The following MARCHF1 variants were observed in gnomAD, a reference collection of about 807,000 sequenced individuals.
MARCHF1 encodes membrane associated ring-CH-type finger 1.
Under a neutral mutation model 54.2 loss-of-function variants are expected in MARCHF1, and 40 were observed. That is an observed-to-expected ratio of 0.74 (90% CI 0.57 to 0.96). The LOEUF is 0.96. Among genes scored for constraint, MARCHF1 ranks in the 40% least tolerant of loss-of-function variants. The probability of loss-of-function intolerance (pLI) is 0.00; values close to 1 mark genes in which losing one functional copy is unlikely to be tolerated. For missense variants in MARCHF1, 586 were observed against 656.5 expected (o/e 0.89, Z 1.17); for synonymous variants, 236 against 236.3 (o/e 1.00, Z 0.01).
chr4:163,839,109 C>T (rs1266538063), intron 4 of MARCHF1, among the ~76,000 whole-genome samples: 1 of 151,870 alleles, frequency 6.6e-6, no homozygotes, highest in Non-Finnish European at 1.5e-5. Flanking sequence ...AGCTAATAAA[C>T]ACAGGAAAAG....
intron 1 of MARCHF1, among the ~76,000 whole-genome samples, chr4:164,301,863 A>G (rs1050959843): frequency 6.6e-6 from 1 of 152,196 alleles, no homozygotes; most frequent in Non-Finnish European, 1.5e-5. Context: ...AAAGCAAAGT[A>G]TGGAAGAGAA....
chr4:163,767,558 T>G (rs1747022012), intron 4 of MARCHF1, among the ~76,000 whole-genome samples: 1 of 151,988 alleles, frequency 6.6e-6, no homozygotes, highest in Non-Finnish European at 1.5e-5. Flanking sequence ...ATGGTCTCGA[T>G]CTCCTGACCT....
At chr4:164,191,087 T>A (rs560840001) in intron 1 of MARCHF1, among the ~76,000 whole-genome samples, 25 of 152,346 alleles carry the variant, frequency 1.6e-4, no homozygotes, top group South Asian at 8.3e-4. Flanking sequence ...AATGTCATTG[T>A]CTGACAGTGA....
chr4:163,665,726 C>T (rs1260509276), intron 5 of MARCHF1, among the ~76,000 whole-genome samples: 1 of 152,140 alleles, frequency 6.6e-6, no homozygotes, highest in African/African-American at 2.4e-5. Context: ...AATCTGACCA[C>T]TGCCATCTAC....
At chr4:163,599,153 G>T (rs1330177758) in intron 7 of MARCHF1, among the ~76,000 whole-genome samples, 4 of 152,062 alleles carry the variant, frequency 2.6e-5, no homozygotes, top group Non-Finnish European at 4.4e-5. Flanking sequence ...GCTGGGCGTG[G>T]TGGCGGGCGC....
chr4:163,694,452 T>C (rs1744556899), intron 5 of MARCHF1, among the ~76,000 whole-genome samples: 2 of 152,176 alleles, frequency 1.3e-5, no homozygotes, highest in South Asian at 4.1e-4. Flanking sequence ...TACTGGAGGA[T>C]GAAAGCCTTG....
intron 4 of MARCHF1, among the ~76,000 whole-genome samples, chr4:163,730,178 C>T (rs1310880888): frequency 1.3e-5 from 2 of 152,094 alleles, no homozygotes. Flanking sequence ...GCCTTTGAAT[C>T]TCTCTAGTAA....
rs1161933438 is a variant in MARCHF1, at chr4:164,244,362, G to A, written c.-322-132700C>T. Among the ~76,000 whole-genome samples the A allele has an allele frequency of 2.6e-5, 4 of 152,052 alleles. No individual in the cohort carries two copies. The East Asian group carries it at 5.8e-4, about 22-fold the overall frequency. ...CAACCTGCTCCTGAATGACTACTGG[G>A]TACATAACGAAATGAAGGCAGAAAT... On this transcript the variant is annotated intron_variant, in intron 1 of 9. Transcript: ENST00000514618.
intron 3 of MARCHF1, among the ~76,000 whole-genome samples, chr4:163,885,587 T>G (rs765315709): frequency 9.2e-5 from 14 of 152,116 alleles, no homozygotes; most frequent in Non-Finnish European, 1.9e-4. Context: ...CAGTGGGCCT[T>G]GACATCTAGG....
At chr4:163,913,951 G>A (rs2111342981) in intron 3 of MARCHF1, among the ~76,000 whole-genome samples, 2 of 152,036 alleles carry the variant, frequency 1.3e-5, no homozygotes, top group East Asian at 3.9e-4. Flanking sequence ...ACAGGCGTGA[G>A]TCTGACTTAC....
At chr4:163,924,505 G>A (rs1167303302) in intron 3 of MARCHF1, among the ~76,000 whole-genome samples, 1 of 152,042 alleles carries the variant, frequency 6.6e-6, no homozygotes, top group East Asian at 1.9e-4. Context: ...TAAAGGCTAT[G>A]TCAGTGGTTG....
At chr4:163,604,209 C>T (rs1741070194) in intron 7 of MARCHF1, among the ~76,000 whole-genome samples, 1 of 152,090 alleles carries the variant, frequency 6.6e-6, no homozygotes, top group Admixed American at 6.6e-5. Flanking sequence ...AACTCTAGAC[C>T]TTGCCTGTAT....
chr4:163,748,534 C>A (rs1746426810), intron 4 of MARCHF1, among the ~76,000 whole-genome samples: 4 of 152,104 alleles, frequency 2.6e-5, no homozygotes, highest in Admixed American at 1.3e-4. Context: ...TGCATGCCAA[C>A]AGGGAAGAGC....
At chr4:164,196,846 G>T (rs1041385090) in intron 1 of MARCHF1, among the ~76,000 whole-genome samples, 1 of 151,826 alleles carries the variant, frequency 6.6e-6, no homozygotes, top group African/African-American at 2.4e-5. Flanking sequence ...CACTTTTCCC[G>T]TCTCATTCCC....
At chr4:163,644,306 C>A (rs1346355191) in intron 5 of MARCHF1, among the ~76,000 whole-genome samples, 5 of 151,998 alleles carry the variant, frequency 3.3e-5, no homozygotes, top group Non-Finnish European at 7.4e-5. Context: ...TTGTGAAACC[C>A]CAGTGGAGCC....
chr4:163,673,508 A>G (rs17044019), intron 5 of MARCHF1, among the ~76,000 whole-genome samples: 30,068 of 152,030 alleles, frequency 0.2, 3,759 homozygotes, highest in East Asian at 0.39. Context: ...ATACTCAAAC[A>G]AAACACTAAC....
intron 1 of MARCHF1, among the ~76,000 whole-genome samples, chr4:164,117,139 T>A (rs1267018462): frequency 6.6e-6 from 1 of 151,942 alleles, no homozygotes; most frequent in African/African-American, 2.4e-5. Flanking sequence ...ATGCCTGTAA[T>A]CCCAGCTACT....
rs553899881 is a variant in MARCHF1 at position 164,117,888 on chromosome 4, G to C, written c.-322-6226C>G. Among the ~76,000 whole-genome samples the C allele has an allele frequency of 3.5e-4, 53 of 152,086 alleles. 2 individuals carry two copies. The Middle Eastern group carries it at 0.014, about 39-fold the overall frequency. The stretch of plus-strand genomic sequence containing the variant: ...CACTCCAGCCTGGGTGACAGAGCAA[G>C]ACTCCATCTCAAAACAACAACAAAA... On this transcript the variant is annotated intron_variant, in intron 1 of 9. Coordinates refer to ENST00000514618, the MANE Select transcript of MARCHF1 (RefSeq NM_001394959.1).
At chr4:163,572,791 A>G (rs2110762510) in intron 8 of MARCHF1, among the ~76,000 whole-genome samples, 1 of 152,242 alleles carries the variant, frequency 6.6e-6, no homozygotes, top group Admixed American at 6.5e-5. Flanking sequence ...ACCATCAAGA[A>G]TGAGGAAAAA....
Sources: gnomAD v4.1 joint callset for allele counts (sites outside exome capture counted in the v4.1 genomes callset) on GRCh38, gnomAD v4.1.1 for gene constraint, MANE v1.5 for transcripts, NCBI Gene and HGNC (gene_info 2026-07-23, HGNC 2026-07-21) for gene names.